ATP1A1: variants seen among roughly 807,000 people sequenced by gnomAD.
ATP1A1 encodes the protein ATPase Na+/K+ transporting subunit alpha 1.
A neutral mutation model predicts 114.8 loss-of-function variants in ATP1A1; 14 were observed. That is an observed-to-expected ratio of 0.12 (90% CI 0.08 to 0.19). The LOEUF is 0.19. ATP1A1 is among the 10% of genes least tolerant of loss of function. The pLI is 1.00. For missense variants in ATP1A1, 524 were observed against 1,290.7 expected, an observed-to-expected ratio of 0.41 and a Z score of 9.10; for synonymous variants, 471 against 466.3, an observed-to-expected ratio of 1.01 and a Z score of -0.13.
chr1:116,377,760 C>G (rs1570941109), intron 1 of ATP1A1, among the ~76,000 whole-genome samples: 1 of 152,218 alleles, frequency 6.6e-6, no homozygotes, highest in South Asian at 2.1e-4. Flanking sequence ...ACCCGAGTGT[C>G]AGATCAGATG....
chr1:116,379,247 T>C (rs1651580724), intron 1 of ATP1A1, among the ~76,000 whole-genome samples: 1 of 152,164 alleles, frequency 6.6e-6, no homozygotes, highest in Non-Finnish European at 1.5e-5. Context: ...CAAGTTTGGA[T>C]ATACTAAACT....
chr1:116,401,233 G>A lies in ATP1A1; in HGVS notation c.2822G>A (p.Arg941Lys). Reference sequence around the variant, plus strand: ...GACTTGGTCATCTGTAAGACCAGGAGGAATTCGGTCTTCCAGCAGGGGATG... The same window carrying A: ...GACTTGGTCATCTGTAAGACCAGGAAGAATTCGGTCTTCCAGCAGGGGATG... ...WADLVICKTR[R>K]NSVFQQGMKN... The change falls in exon 20 of 23, where the codon AGG becomes AAG. Residue 941 changes from arginine to lysine, a missense_variant. This residue lies in a region of ATP1A1 where 84 missense variants were observed against 209.3 expected (regional missense o/e 0.40). Coordinates refer to ENST00000295598, the MANE Select transcript of ATP1A1 (RefSeq NM_000701.8). The surrounding 1 kb of genome is among the most constrained non-coding windows in gnomAD (Gnocchi z 4.7). The A allele has an allele frequency of 1.2e-6, 2 of 1,614,224 alleles. No individual in the cohort carries two copies. Among genetic ancestry groups the A allele is most frequent in the Non-Finnish European group, 1.7e-6 (2 of 1,180,042 alleles).
At chr1:116,386,183 T>C (rs1652077702) in intron 3 of ATP1A1, 1 of 145,782 alleles carries the variant, frequency 6.9e-6, no homozygotes, top group South Asian at 2.2e-4. Context: ...GTTGAGAGCG[T>C]TTTTCTTGAC....
Position 116,387,221 on chromosome 1 carries a change from C to A in ATP1A1, c.184-67C>A. The A allele has an allele frequency of 6.4e-7, 1 of 1,563,786 alleles. No individual in the cohort carries two copies. The highest frequency in any genetic ancestry group is 8.8e-7 in the Non-Finnish European group (1 of 1,140,400). On this transcript the variant is annotated intron_variant, in intron 3 of 22. Coordinates refer to ENST00000295598, the MANE Select transcript of ATP1A1 (RefSeq NM_000701.8). The surrounding 1 kb of genome is among the most constrained non-coding windows in gnomAD (Gnocchi z 6.7). ...AATCCTTATTGCAACCGTCCAGCTA[C>A]CAGGTAGGTATATTGCCTTGTAAGT...
intron 1 of ATP1A1, among the ~76,000 whole-genome samples, chr1:116,379,205 G>C (rs1401273570): frequency 2.0e-5 from 3 of 152,190 alleles, no homozygotes; most frequent in African/African-American, 7.2e-5. Context: ...AACTGTCGCT[G>C]TTCTTTGACC....
At chr1:116,380,417 C>T (rs1167643692) in intron 1 of ATP1A1, among the ~76,000 whole-genome samples, 2 of 152,218 alleles carry the variant, frequency 1.3e-5, no homozygotes, top group East Asian at 3.8e-4. Flanking sequence ...AAAGCCTTCG[C>T]ATCCTGCCCT....
rs1652240380 is a variant in ATP1A1, at chr1:116,388,435, ACT to A, written c.501+194_501+195del. The A allele has an allele frequency of 3.1e-6, 3 of 980,908 alleles. No individual in the cohort carries two copies. Among genetic ancestry groups the A allele is most frequent in the Non-Finnish European group, 4.4e-6 (3 of 677,024 alleles). The allele number at this position is 980,908 out of a possible 1,614,324, so 60.8% of individuals were successfully genotyped here. ...GTGGTAGCCTTTCTTTTGAATGTAA[ACT>A]CTGAATACAGGCACACCATGTAACA... On this transcript the variant is annotated intron_variant, in intron 5 of 22. Coordinates refer to ENST00000295598, the MANE Select transcript of ATP1A1 (RefSeq NM_000701.8). This position sits in a 1 kb window ranked among gnomAD's most constrained non-coding sequence, Gnocchi z 5.6.
chr1:116,373,457 T>G lies in ATP1A1; in HGVS notation c.-55T>G. 1 of 1,510,206 alleles carries G rather than the reference T, an allele frequency of 6.6e-7. No individual in the cohort carries two copies. Among genetic ancestry groups the G allele is most frequent in the Non-Finnish European group, 8.9e-7 (1 of 1,129,254 alleles). The allele number at this position is 1,510,206 out of a possible 1,614,324, so 93.6% of individuals were successfully genotyped here. ...CTCGGCCGGGAGCTGCTCTGTGCTT[T>G]TCTCTCTGATTCTCCAGCGACAGGA... On this transcript the variant is annotated 5_prime_UTR_variant, in exon 1 of 23. Transcript: ENST00000295598.
Position 116,399,630 on chromosome 1 carries a change from A to G in ATP1A1, c.2572+87A>G. On this transcript the variant is annotated intron_variant, in intron 18 of 22. Coordinates refer to ENST00000295598, the MANE Select transcript of ATP1A1 (RefSeq NM_000701.8). The surrounding 1 kb of genome is among the most constrained non-coding windows in gnomAD (Gnocchi z 5.0). The stretch of plus-strand genomic sequence containing the variant: ...CCTCAGGTTGAGGTTGATTTCAGAG[A>G]CTGCAAATCCAGGCGACTTTCAGGT... The G allele has an allele frequency of 5.1e-6, 8 of 1,565,352 alleles. No homozygotes were observed. The highest frequency in any genetic ancestry group is 6.9e-6 in the Non-Finnish European group (8 of 1,152,588).
chr1:116,400,809 C>G, intron 18 of ATP1A1, 52 bp from the exon 19 acceptor site: 1 of 1,602,314 alleles, frequency 6.2e-7, no homozygotes, highest in South Asian at 1.1e-5. Flanking sequence ...GAAGGCTATA[C>G]AGGTACCCTT....
At chr1:116,403,540 G>C (rs1209166520) in intron 21 of ATP1A1, among the ~76,000 whole-genome samples, 1 of 152,196 alleles carries the variant, frequency 6.6e-6, no homozygotes, top group African/African-American at 2.4e-5. Context: ...CTTTAGAAAT[G>C]AAAGAAAGAA....
At chr1:116,394,222 C>G (rs1030022503) in intron 12 of ATP1A1, among the ~76,000 whole-genome samples, 8 of 152,108 alleles carry the variant, frequency 5.3e-5, no homozygotes, top group Admixed American at 5.2e-4. Context: ...AAGATGCTAC[C>G]TATTTTTTTC....
rs776719172 is a variant in ATP1A1, at chr1:116,389,695, G to C, written c.1011G>C (p.Leu337=). 5.0e-6 allele frequency: 8 copies of C among 1,613,980 alleles called. No homozygotes were observed. Among genetic ancestry groups the C allele is most frequent in the Non-Finnish European group, 6.8e-6 (8 of 1,180,008 alleles). Residue 337 remains leucine, a synonymous_variant, in exon 8 of 23, where the codon CTG becomes CTC. Transcript: ENST00000295598. This position sits in a 1 kb window ranked among gnomAD's most constrained non-coding sequence, Gnocchi z 6.9. ...TAGCCAATGTGCCGGAAGGTTTGCTGGCCACTGTCACGGTAAGAGGCAGGT... is the reference window on the plus strand; with the variant it reads ...TAGCCAATGTGCCGGAAGGTTTGCTCGCCACTGTCACGGTAAGAGGCAGGT... ...IIVANVPEGL[L]ATVTVCLTLT... is the part of the protein sequence containing the mutation.
In ATP1A1 at chr1:116,395,391, T is replaced by C; in HGVS notation, c.1836+106T>C. The C allele has an allele frequency of 8.1e-7, 1 of 1,228,958 alleles. No homozygotes were observed. The highest frequency in any genetic ancestry group is 1.1e-6 in the Non-Finnish European group (1 of 903,246). 76.1% of individuals were successfully genotyped at this position (1,228,958 alleles called of 1,614,324 possible). ...AGATGGCCAGCTGTTCTATCTCACCTGGAGTATTAATTTCTCATCTCCAAA... is the reference window on the plus strand; with the variant it reads ...AGATGGCCAGCTGTTCTATCTCACCCGGAGTATTAATTTCTCATCTCCAAA... On this transcript the variant is annotated intron_variant, in intron 13 of 22. Transcript: ENST00000295598. This position sits in a 1 kb window ranked among gnomAD's most constrained non-coding sequence, Gnocchi z 6.4.
At position 116,399,183 on chromosome 1, in the gene ATP1A1, G is replaced by A; in HGVS notation, c.2448+99G>A. On this transcript the variant is annotated intron_variant, in intron 17 of 22. Coordinates refer to ENST00000295598, the MANE Select transcript of ATP1A1 (RefSeq NM_000701.8). The surrounding 1 kb of genome is among the most constrained non-coding windows in gnomAD (Gnocchi z 5.0). ...CCAGCATCCATGAGGCTGGCGTTGG[G>A]AAAAGAAATTCTCAGGACCAGTATC... is the stretch of plus-strand genomic sequence containing the variant. 2 of 1,552,578 alleles carry A rather than the reference G, an allele frequency of 1.3e-6. No homozygotes were observed. The highest frequency in any genetic ancestry group is 1.8e-6 in the Non-Finnish European group (2 of 1,136,842).
In ATP1A1 at chr1:116,373,370, T is replaced by TACCC; in HGVS notation, c.-142_-141insACCC. The TACCC allele has an allele frequency of 2.7e-5, 9 of 333,836 alleles. No homozygotes were observed. The highest frequency in any genetic ancestry group is 8.9e-5 in the East Asian group (1 of 11,240). The allele number at this position is 333,836 out of a possible 1,614,324, so 20.7% of individuals were successfully genotyped here. On this transcript the variant is annotated 5_prime_UTR_variant, in exon 1 of 23. Transcript: ENST00000295598. ...CATCGGCCCGAGCCGCCGGCCGCCC[T>TACCC]CCCACCCTCCCGCCCCGCGGCAGCC...
chr1:116,373,722 G>A (rs1557776054), intron 1 of ATP1A1, 199 bp downstream of exon 1: 1 of 1,049,706 alleles, frequency 9.5e-7, no homozygotes, highest in South Asian at 2.4e-5. Context: ...GGCGGGGGAA[G>A]GGAGCGCCGA....
rs11805078 is a variant in ATP1A1 at position 116,381,693 on chromosome 1, C to T, written c.13-2321C>T. 0.084 allele frequency among the ~76,000 whole-genome samples: 12,760 copies of T among 152,174 alleles called. 1,255 individuals are homozygous for T. Among genetic ancestry groups the T allele is most frequent in the African/African-American group, 0.24 (9,943 of 41,460 alleles). ...ATTTATTTTGTAAGTGGGGGTAAAACTTTGGAACGTGTTCAAAGCCTAGCT... is the reference window on the plus strand; with the variant it reads ...ATTTATTTTGTAAGTGGGGGTAAAATTTTGGAACGTGTTCAAAGCCTAGCT... On this transcript the variant is annotated intron_variant, in intron 1 of 22. Transcript: ENST00000295598. The surrounding 1 kb of genome is among the most constrained non-coding windows in gnomAD (Gnocchi z 5.1).
intron 1 of ATP1A1, among the ~76,000 whole-genome samples, chr1:116,379,509 ATAAAC>A (rs1191742796): frequency 6.6e-6 from 1 of 152,140 alleles, no homozygotes; most frequent in Non-Finnish European, 1.5e-5. Flanking sequence ...TTCCTTGCAC[ATAAAC>A]TAAACTACTT....
Sources: gnomAD v4.1 joint callset for allele counts (sites outside exome capture counted in the v4.1 genomes callset) on GRCh38, gnomAD v4.1.1 for gene constraint, gnomAD v4.1.1 regional missense constraint, Gnocchi (gnomAD v3.1) non-coding constraint, MANE v1.5 for transcripts, NCBI Gene and HGNC (gene_info 2026-07-23, HGNC 2026-07-21) for gene names.